TARBP1: variants seen among roughly 807,000 people sequenced by gnomAD.
The protein encoded by TARBP1 is tRNA (guanosine(18)-2'-O)-methyltransferase TARBP1.
Under a neutral mutation model 178.6 loss-of-function variants are expected in TARBP1, and 144 were observed. That is an observed-to-expected ratio of 0.81 (90% CI 0.70 to 0.93). The LOEUF is 0.93. TARBP1 is among the 40% of genes least tolerant of loss of function. TARBP1 has a pLI of 0.00. For synonymous variants in TARBP1, 787 were observed against 781.0 expected (o/e 1.01, Z -0.13); for missense variants, 2,067 against 2,011.7 (o/e 1.03, Z -0.53).
At chr1:234,463,996 ACTAGC>A (rs1341432352) in intron 5 of TARBP1, 62 bp from the exon 6 acceptor site, 1 of 1,117,230 alleles carries the variant, frequency 9.0e-7, no homozygotes, top group African/African-American at 1.6e-5. Flanking sequence ...TTACACTAAA[ACTAGC>A]CTAAATGGAC....
At chr1:234,469,935 A>G (rs6695537) in intron 3 of TARBP1, among the ~76,000 whole-genome samples, 2,204 of 152,342 alleles carry the variant, frequency 0.014, 49 homozygotes, top group African/African-American at 0.05. Flanking sequence ...CTAAGAGAAT[A>G]AGAATGGAAA....
In TARBP1 at chr1:234,429,119, AAAAG is replaced by A; in HGVS notation, c.3060+13_3060+16del. 1.6e-6 allele frequency: 2 copies of A among 1,221,244 alleles called. No homozygotes were observed. The highest frequency in any genetic ancestry group is 2.1e-6 in the Non-Finnish European group (2 of 945,240). The allele number at this position is 1,221,244 out of a possible 1,614,324, so 75.7% of individuals were successfully genotyped here. On this transcript the variant is annotated intron_variant, in intron 17 of 29. Transcript: ENST00000040877. Reference sequence around the variant, plus strand: ...CACACATGAAAAGAAAAGCAAAAAGAAAAGAAAGTTAGTTACCTCTTTTATTTTG... The same window carrying A: ...CACACATGAAAAGAAAAGCAAAAAGAAAAGTTAGTTACCTCTTTTATTTTG...
intron 9 of TARBP1, among the ~76,000 whole-genome samples, chr1:234,451,869 T>C (rs1279637617): frequency 6.6e-6 from 1 of 152,010 alleles, no homozygotes; most frequent in Non-Finnish European, 1.5e-5. Flanking sequence ...TCTGTGTAGG[T>C]CTTTATCAAG....
At chr1:234,410,570 C>T (rs1661701317) in intron 22 of TARBP1, 39 bp from the exon 23 acceptor site, 1 of 1,308,908 alleles carries the variant, frequency 7.6e-7, no homozygotes, top group Non-Finnish European at 1.1e-6. Flanking sequence ...TGATTCAAAG[C>T]TTACTGTGAA....
intron 11 of TARBP1, 104 bp from the exon 12 acceptor site, chr1:234,447,079 G>C (rs745947478): frequency 3.3e-6 from 4 of 1,225,810 alleles, no homozygotes; most frequent in Non-Finnish European, 4.7e-6. Context: ...GATCCAATTA[G>C]ACAAAGTTAC....
Position 234,429,474 on chromosome 1 carries a change from A to C in TARBP1, c.2813T>G (p.Val938Gly). ...TLQSALEALTVLSSDQVLPVF... is the reference protein window; with the variant it reads ...TLQSALEALTGLSSDQVLPVF... Reference sequence around the variant, plus strand: ...TGGTAAAACTTGATCAGAAGAAAGAACTGTGAGGGCTTCTAGTGCAGACTG... The same window carrying C: ...TGGTAAAACTTGATCAGAAGAAAGACCTGTGAGGGCTTCTAGTGCAGACTG... The change falls in exon 16 of 30, where the codon GTT becomes GGT. Residue 938 changes from valine (V) to glycine (G), a missense_variant. Coordinates refer to ENST00000040877, the MANE Select transcript of TARBP1 (RefSeq NM_005646.4). The C allele has an allele frequency of 6.2e-7, 1 of 1,614,186 alleles. No homozygotes were observed.
At chr1:234,400,283 AG>A (rs1219428368) in intron 25 of TARBP1, 1 of 152,216 alleles carries the variant, frequency 6.6e-6, no homozygotes, top group East Asian at 1.9e-4. Context: ...GAGTGACTAG[AG>A]GAGTCCTGCA....
chr1:234,430,583 T>C (rs151235989), intron 14 of TARBP1, among the ~76,000 whole-genome samples: 3,569 of 152,286 alleles, frequency 0.023, 56 homozygotes, highest in South Asian at 0.062. Flanking sequence ...CTGGAACTAG[T>C]ACATGACAGA....
intron 6 of TARBP1, among the ~76,000 whole-genome samples, chr1:234,461,273 A>G (rs918469653): frequency 1.3e-5 from 2 of 152,126 alleles, no homozygotes; most frequent in African/African-American, 4.8e-5. Flanking sequence ...TCTGATACCC[A>G]TGAAGCTGTA....
At chr1:234,422,989 CAG>C in intron 20 of TARBP1, among the ~76,000 whole-genome samples, 1 of 152,322 alleles carries the variant, frequency 6.6e-6, no homozygotes, top group South Asian at 2.1e-4. Context: ...CTCATTAAAA[CAG>C]AGTGCTGGGC....
chr1:234,393,377 C>G lies in TARBP1; in HGVS notation c.4545G>C (p.Trp1515Cys). 6.4e-7 allele frequency: 1 copy of G among 1,566,558 alleles called. No individual in the cohort carries two copies. Among genetic ancestry groups the G allele is most frequent in the Non-Finnish European group, 8.7e-7 (1 of 1,153,882 alleles). The change falls in exon 28 of 30, where the codon TGG becomes TGC. Residue 1515 changes from tryptophan (W) to cysteine (C), a missense_variant. Trp to Cys is a radical substitution (Grantham distance 215). Coordinates refer to ENST00000040877, the MANE Select transcript of TARBP1 (RefSeq NM_005646.4). ...TTCCACCCACCTCCACTAGAGGAAGCCACTGTTCTGCAGAGACACTGAGGT... is the reference window on the plus strand; with the variant it reads ...TTCCACCCACCTCCACTAGAGGAAGGCACTGTTCTGCAGAGACACTGAGGT... ...FQHLSVSAEQ[W>C]LPLVEVKPPQ...
At position 234,425,755 on chromosome 1, in the gene TARBP1, A is replaced by G. The variant is rs542196486; in HGVS notation, c.3362T>C (p.Val1121Ala). 1.2e-6 allele frequency: 2 copies of G among 1,602,298 alleles called. No homozygotes were observed. The highest frequency in any genetic ancestry group is 4.5e-5 in the East Asian group (2 of 44,756). Residue 1121 changes from valine to alanine, a missense_variant, in exon 20 of 30, where the codon GTC (valine) becomes GCC (alanine). Coordinates refer to ENST00000040877, the MANE Select transcript of TARBP1 (RefSeq NM_005646.4). ...REDHYVRICA[V>A]KFLCLLDGSN... ...GCCATCTAATAAACACAGGAATTTGACAGCACAAATTCTCACATAATGGTC... is the reference window on the plus strand; with the variant it reads ...GCCATCTAATAAACACAGGAATTTGGCAGCACAAATTCTCACATAATGGTC...
Position 234,429,337 on chromosome 1 carries a change from A to T in TARBP1, c.2872-13T>A, listed in dbSNP as rs1291991882. On this transcript the variant is annotated splice_polypyrimidine_tract_variant and intron_variant, in intron 16 of 29. Transcript: ENST00000040877. ...AGGAAGTCAGAAGCTGGTAGGAAAAAAAAAAATACATACTTATTTCAAAAA... is the reference window on the plus strand; with the variant it reads ...AGGAAGTCAGAAGCTGGTAGGAAAATAAAAAATACATACTTATTTCAAAAA... The T allele has an allele frequency of 1.3e-5, 20 of 1,567,872 alleles. No homozygotes were observed. Among genetic ancestry groups the T allele is most frequent in the Non-Finnish European group, 1.7e-5 (20 of 1,164,500 alleles).
At chr1:234,452,110 C>T (rs982969310) in intron 9 of TARBP1, among the ~76,000 whole-genome samples, 1 of 151,760 alleles carries the variant, frequency 6.6e-6, no homozygotes, top group Non-Finnish European at 1.5e-5. Flanking sequence ...TTTTTCTTTC[C>T]CTCTATCAAA....
chr1:234,458,256 A>G (rs1667488863), intron 8 of TARBP1, among the ~76,000 whole-genome samples: 1 of 152,222 alleles, frequency 6.6e-6, no homozygotes, highest in Admixed American at 6.5e-5. Context: ...AGGCAGGAGA[A>G]TCACTTGAAC....
At chr1:234,452,097 A>AT (rs1458972720) in intron 9 of TARBP1, among the ~76,000 whole-genome samples, 16 of 152,042 alleles carry the variant, frequency 1.1e-4, no homozygotes, top group Non-Finnish European at 1.3e-4. Flanking sequence ...TTCATATTTG[A>AT]TTTTTTTCTT....
At chr1:234,476,062 GA>G (rs1669544223) in intron 1 of TARBP1, among the ~76,000 whole-genome samples, 1 of 152,146 alleles carries the variant, frequency 6.6e-6, no homozygotes, top group African/African-American at 2.4e-5. Context: ...CACTACAACA[GA>G]AAACAAAGCC....
At chr1:234,420,876 A>G (rs929492280) in intron 20 of TARBP1, 64 bp from the exon 21 acceptor site, 5 of 1,021,252 alleles carry the variant, frequency 4.9e-6, no homozygotes, top group Non-Finnish European at 7.4e-6. Context: ...TAATGAAAAA[A>G]TCAATGACAA....
At position 234,478,439 on chromosome 1, in the gene TARBP1, C is replaced by T; in HGVS notation, c.665G>A (p.Gly222Glu). 7.2e-7 allele frequency: 1 copy of T among 1,389,434 alleles called. No individual in the cohort carries two copies. Among genetic ancestry groups the T allele is most frequent in the Non-Finnish European group, 9.4e-7 (1 of 1,067,714 alleles). The allele number at this position is 1,389,434 out of a possible 1,614,324, so 86.1% of individuals were successfully genotyped here. The change falls in exon 1 of 30, where the codon GGG becomes GAG. Residue 222 changes from glycine to glutamate, a missense_variant. Coordinates refer to ENST00000040877, the MANE Select transcript of TARBP1 (RefSeq NM_005646.4). ...CAGCTTCTCCTCTACGCGGCCGGAC[C>T]CCAGGGACGCCCCAGGCGCGGCCAG... ...GGLAAPGASLGSGRVEEKLLV... is the reference protein window; with the variant it reads ...GGLAAPGASLESGRVEEKLLV...
Sources: allele counts gnomAD v4.1 joint callset (sites outside exome capture counted in the v4.1 genomes callset), GRCh38; gene constraint gnomAD v4.1.1; transcripts MANE v1.5; gene names NCBI Gene and HGNC (gene_info 2026-07-23, HGNC 2026-07-21).